PRKD2: variants seen among roughly 807,000 people sequenced by gnomAD.
The protein encoded by PRKD2 is serine/threonine-protein kinase D2.
PRKD2 carries 22 observed loss-of-function variants against 86.0 expected under a neutral mutation model. That is an observed-to-expected ratio of 0.26 (90% CI 0.18 to 0.37). PRKD2 has a LOEUF of 0.37. Ranked by LOEUF, PRKD2 falls within the 10% of genes least tolerant of loss-of-function variation. The pLI is 1.00. For synonymous variants in PRKD2, 509 were observed against 510.9 expected (o/e 1.00, Z 0.05); for missense variants, 818 against 1,199.2 (o/e 0.68, Z 4.70).
At chr19:46,688,219 G>A (rs2053428325) in intron 14 of PRKD2, among the ~76,000 whole-genome samples, 1 of 151,710 alleles carries the variant, frequency 6.6e-6, no homozygotes, top group African/African-American at 2.4e-5. Context: ...GCCCAGGCTG[G>A]CTCAAACTCC....
At chr19:46,687,644 T>G (rs1001069208) in intron 14 of PRKD2, among the ~76,000 whole-genome samples, 2 of 152,162 alleles carry the variant, frequency 1.3e-5, no homozygotes, top group African/African-American at 4.8e-5. Context: ...ACATAGTAAG[T>G]GCTCAATAAA....
intron 17 of PRKD2, 147 bp downstream of exon 17, chr19:46,674,886 T>G (rs1444416337): frequency 6.9e-6 from 8 of 1,161,108 alleles, no homozygotes; most frequent in Admixed American, 6.7e-5. Context: ...CTCCACCCCC[T>G]CTTCCTGCAC....
At chr19:46,701,174 G>C (rs2053629709) in intron 5 of PRKD2, 62 bp from the exon 6 acceptor site, 1 of 1,533,534 alleles carries the variant, frequency 6.5e-7, no homozygotes, top group South Asian at 1.1e-5. Context: ...TGGAAGGCTT[G>C]AACCTTGACC....
rs375064648 is a variant in PRKD2 at position 46,674,738 on chromosome 19, G to T, written c.2425-3C>A. The T allele has an allele frequency of 4.4e-6, 7 of 1,603,022 alleles. No homozygotes were observed. The highest frequency in any genetic ancestry group is 5.9e-6 in the Non-Finnish European group (7 of 1,179,290). On this transcript the variant is annotated splice_region_variant and splice_polypyrimidine_tract_variant and intron_variant, in intron 17 of 17. Transcript: ENST00000291281. ...AGGTCCAGCCACGTCTGGTACTCCTGGGCCCGAGAGAACTGGGGTTAGCTT... is the reference window on the plus strand; with the variant it reads ...AGGTCCAGCCACGTCTGGTACTCCTTGGCCCGAGAGAACTGGGGTTAGCTT...
Position 46,678,227 on chromosome 19 carries a change from G to C in PRKD2, c.2338+169C>G, listed in dbSNP as rs1384254132. 5 of 1,073,188 alleles carry C rather than the reference G, an allele frequency of 4.7e-6. No homozygotes were observed. Among genetic ancestry groups the C allele is most frequent in the Non-Finnish European group, 6.6e-6 (5 of 762,690 alleles). 66.5% of individuals were successfully genotyped at this position (1,073,188 alleles called of 1,614,324 possible). A position where few individuals can be genotyped will look rare whatever the true frequency, so the allele number is the denominator to read the frequency against. ...CCTGAGTCCCAGCCCATCTTTTACA[G>C]GACGGCTCCTCCTGTAGCCACATCC... On this transcript the variant is annotated intron_variant, in intron 16 of 17. Coordinates refer to ENST00000291281, the MANE Select transcript of PRKD2 (RefSeq NM_016457.5). This position sits in a 1 kb window ranked among gnomAD's most constrained non-coding sequence, Gnocchi z 5.7.
chr19:46,707,224 C>G (rs1452073251), intron 3 of PRKD2, among the ~76,000 whole-genome samples: 1 of 152,160 alleles, frequency 6.6e-6, no homozygotes, highest in Non-Finnish European at 1.5e-5. Flanking sequence ...GCGTGGCACC[C>G]ACGGAGCTAG....
intron 3 of PRKD2, among the ~76,000 whole-genome samples, chr19:46,707,603 A>T (rs867562446): frequency 6.6e-6 from 1 of 151,566 alleles, no homozygotes. Flanking sequence ...CACACAAAAC[A>T]ATGGAGCCAC....
rs1348274575 is a variant in PRKD2 at position 46,693,318 on chromosome 19, G to C, written c.1576+557C>G. Among the ~76,000 whole-genome samples the C allele has an allele frequency of 5.3e-5, 8 of 152,224 alleles. No homozygotes were observed. The highest frequency in any genetic ancestry group is 1.9e-4 in the African/African-American group (8 of 41,464). ...GGTCCCCAGCACTGTCCCGCACAGA[G>C]GAGGCACTCAGTAAGTGCATGAGGA... On this transcript the variant is annotated intron_variant, in intron 10 of 17. Transcript: ENST00000291281. The surrounding 1 kb of genome is among the most constrained non-coding windows in gnomAD (Gnocchi z 4.5).
In PRKD2 at chr19:46,675,930, C is replaced by T. The variant is rs770125597; in HGVS notation, c.2339-812G>A. ...GACTACAAGCACCTGTCACTATGGC[C>T]GGCTAATTTTTGTATTTTTTGTAGA... On this transcript the variant is annotated intron_variant, in intron 16 of 17. Coordinates refer to ENST00000291281, the MANE Select transcript of PRKD2 (RefSeq NM_016457.5). Among the ~76,000 whole-genome samples the T allele has an allele frequency of 6.4e-4, 96 of 151,160 alleles. 1 individual carries two copies. The highest frequency in any genetic ancestry group is 2.5e-4 in the Non-Finnish European group (17 of 67,904).
intron 15 of PRKD2, among the ~76,000 whole-genome samples, chr19:46,680,946 A>ATATATATTTTTTTTTTTT: frequency 2.1e-5 from 1 of 48,258 alleles, no homozygotes; most frequent in Non-Finnish European, 4.0e-5. Context: ...ATATATATAT[A>ATATATATTTTTTTTTTTT]TTTTTTTTTT....
At chr19:46,713,744 C>G in intron 2 of PRKD2, 119 bp downstream of exon 2, 2 of 1,016,984 alleles carry the variant, frequency 2.0e-6, no homozygotes, top group South Asian at 3.3e-5. Context: ...GTGCTGGGAT[C>G]ACAGGCGTGA....
chr19:46,683,327 TC>T (rs1434427606), intron 14 of PRKD2, among the ~76,000 whole-genome samples: 2 of 151,622 alleles, frequency 1.3e-5, no homozygotes, highest in African/African-American at 4.8e-5. Context: ...ACTCCTGACC[TC>T]GTGATCCACC....
chr19:46,678,334 G>A lies in PRKD2; in HGVS notation c.2338+62C>T, dbSNP rs564075946. On this transcript the variant is annotated intron_variant, in intron 16 of 17. Coordinates refer to ENST00000291281, the MANE Select transcript of PRKD2 (RefSeq NM_016457.5). The surrounding 1 kb of genome is among the most constrained non-coding windows in gnomAD (Gnocchi z 5.7). ...GGGTCCACCCCCCTCTCATGGCTCC[G>A]CCCACTTCTCCAGCCCCACCCCACA... 748 of 1,576,644 alleles carry A rather than the reference G, an allele frequency of 4.7e-4. 3 individuals are homozygous for A. In the African/African-American group the frequency reaches 8.5e-3, roughly 18 times the overall value.
chr19:46,704,257 G>A lies in PRKD2; in HGVS notation c.801C>T (p.Phe267=). Residue 267 remains phenylalanine, a synonymous_variant, in exon 5 of 18, where the codon TTC becomes TTT. Coordinates refer to ENST00000291281, the MANE Select transcript of PRKD2 (RefSeq NM_016457.5). ...TGGGCCGTGTATAGCTGTGGATGAG[G>A]AAGGTGTGCGGCACCTTGACCTTGG... The part of the protein sequence containing the change: ...LLSKVKVPHT[F]LIHSYTRPTV... 1 of 1,614,248 alleles carries A rather than the reference G, an allele frequency of 6.2e-7. No individual in the cohort carries two copies.
chr19:46,710,699 T>A, intron 3 of PRKD2: 140 of 461,592 alleles, frequency 3.0e-4, no homozygotes, highest in Middle Eastern at 2.2e-3. Context: ...GCTCCGCCCC[T>A]AGACCTGAGC....
At position 46,716,441 on chromosome 19, in the gene PRKD2, G is replaced by A; in HGVS notation, c.-71C>T. Reference sequence around the variant, plus strand: ...GCCGGGGGGCCCCGGGGGACCCTGGGTTCTAGATCCGCGGGATCTCGTGAG... The same window carrying A: ...GCCGGGGGGCCCCGGGGGACCCTGGATTCTAGATCCGCGGGATCTCGTGAG... On this transcript the variant is annotated 5_prime_UTR_variant, in exon 1 of 18. Transcript: ENST00000291281. The surrounding 1 kb of genome is among the most constrained non-coding windows in gnomAD (Gnocchi z 7.9). 3 of 914,826 alleles carry A rather than the reference G, an allele frequency of 3.3e-6. No homozygotes were observed. The South Asian group carries it at 6.1e-5, about 19-fold the overall frequency. The allele number at this position is 914,826 out of a possible 1,614,324, so 56.7% of individuals were successfully genotyped here. A position where few individuals can be genotyped will look rare whatever the true frequency, so the allele number is the denominator to read the frequency against.
At chr19:46,706,817 G>A (rs2053720166) in intron 3 of PRKD2, among the ~76,000 whole-genome samples, 1 of 151,958 alleles carries the variant, frequency 6.6e-6, no homozygotes, top group African/African-American at 2.4e-5. Context: ...TGCAGGCCTA[G>A]AGTCCTTAAA....
In PRKD2 at chr19:46,675,126, G is replaced by A. The variant is rs757229283; in HGVS notation, c.2339-8C>T. 1 of 1,606,686 alleles carries A rather than the reference G, an allele frequency of 6.2e-7. No individual in the cohort carries two copies. Among genetic ancestry groups the A allele is most frequent in the East Asian group, 2.2e-5 (1 of 44,820 alleles). On this transcript the variant is annotated splice_polypyrimidine_tract_variant and splice_region_variant and intron_variant, in intron 16 of 17. Transcript: ENST00000291281. Reference sequence around the variant, plus strand: ...TGTTGATGAGGTCAATGGCTGCACAGGAAAGAGAAACAGGTCAAGCCCTAC... The same window carrying A: ...TGTTGATGAGGTCAATGGCTGCACAAGAAAGAGAAACAGGTCAAGCCCTAC...
At position 46,716,389 on chromosome 19, in the gene PRKD2, G is replaced by C; in HGVS notation, c.-19C>G. 1 of 1,379,882 alleles carries C rather than the reference G, an allele frequency of 7.2e-7. No individual in the cohort carries two copies. 85.5% of individuals were successfully genotyped at this position (1,379,882 alleles called of 1,614,324 possible). On this transcript the variant is annotated 5_prime_UTR_variant, in exon 1 of 18. Coordinates refer to ENST00000291281, the MANE Select transcript of PRKD2 (RefSeq NM_016457.5). This position sits in a 1 kb window ranked among gnomAD's most constrained non-coding sequence, Gnocchi z 7.9. ...TGGCCATGGGGGGAGGCCGGGGACCGGCCGCCTGGAGCCCACCCGGGACCC... is the reference window on the plus strand; with the variant it reads ...TGGCCATGGGGGGAGGCCGGGGACCCGCCGCCTGGAGCCCACCCGGGACCC...
Sources: allele counts gnomAD v4.1 joint callset (sites outside exome capture counted in the v4.1 genomes callset), GRCh38; gene constraint gnomAD v4.1.1; non-coding constraint Gnocchi (gnomAD v3.1); transcripts MANE v1.5; gene names NCBI Gene and HGNC (gene_info 2026-07-23, HGNC 2026-07-21).